Variants in CCSER1 observed in about 807,000 individuals in gnomAD.
CCSER1 encodes coiled-coil serine rich protein 1, also known as serine-rich coiled-coil domain-containing protein 1.
A neutral mutation model predicts 82.0 loss-of-function variants in CCSER1; 41 were observed. The ratio of observed to expected loss-of-function variants is 0.50; its 90% CI spans 0.39 to 0.65. The LOEUF (loss-of-function observed/expected upper bound fraction) is 0.65, where lower values mean the gene tolerates loss of function less well. Among genes scored for constraint, CCSER1 ranks in the 30% least tolerant of loss-of-function variants. The probability of loss-of-function intolerance (pLI) is 0.00; values close to 1 mark genes in which losing one functional copy is unlikely to be tolerated. For synonymous variants in CCSER1, 414 were observed against 383.9 expected (o/e 1.08, Z -0.92); for missense variants, 1,119 against 1,064.2 (o/e 1.05, Z -0.72).
intron 3 of CCSER1, among the ~76,000 whole-genome samples, chr4:90,395,605 C>T (rs1327043247): frequency 6.6e-6 from 1 of 150,650 alleles, no homozygotes; most frequent in Non-Finnish European, 1.5e-5. Context: ...ACCATACTGG[C>T]CATAATGTTG....
chr4:91,379,154 A>T (rs1382036350), intron 10 of CCSER1, among the ~76,000 whole-genome samples: 3 of 152,214 alleles, frequency 2.0e-5, no homozygotes, highest in Non-Finnish European at 4.4e-5. Context: ...TCAGTTTGCC[A>T]CGATTTTATT....
At chr4:90,402,773 TCTTTAAA>T (rs930718722) in intron 4 of CCSER1, among the ~76,000 whole-genome samples, 6 of 152,218 alleles carry the variant, frequency 3.9e-5, no homozygotes, top group African/African-American at 1.4e-4. Flanking sequence ...AAAATCAACC[TCTTTAAA>T]CTTTAGTCTC....
chr4:91,290,569 A>G (rs1195074866), intron 10 of CCSER1, among the ~76,000 whole-genome samples: 1 of 152,044 alleles, frequency 6.6e-6, no homozygotes, highest in Non-Finnish European at 1.5e-5. Context: ...GGCAGGAACC[A>G]ATACTGAACT....
chr4:90,471,333 G>T (rs1449174982), intron 5 of CCSER1, among the ~76,000 whole-genome samples: 1 of 151,882 alleles, frequency 6.6e-6, no homozygotes, highest in Non-Finnish European at 1.5e-5. Flanking sequence ...TACTCACAAG[G>T]CTGAGGGGAA....
chr4:91,444,931 C>T (rs561044487), intron 10 of CCSER1, among the ~76,000 whole-genome samples: 11 of 152,316 alleles, frequency 7.2e-5, no homozygotes, highest in Admixed American at 5.2e-4. Flanking sequence ...ATTCCATTCA[C>T]TTCAGTGTGC....
At chr4:90,479,102 T>C (rs1765520002) in intron 5 of CCSER1, among the ~76,000 whole-genome samples, 1 of 151,532 alleles carries the variant, frequency 6.6e-6, no homozygotes, top group Admixed American at 6.6e-5. Context: ...AAATCATTCT[T>C]TTTTTTTTCA....
chr4:91,217,728 C>T (rs1737367873), intron 10 of CCSER1, among the ~76,000 whole-genome samples: 1 of 151,672 alleles, frequency 6.6e-6, no homozygotes, highest in Non-Finnish European at 1.5e-5. Flanking sequence ...ATTTACAATC[C>T]CTGAGCTAGA....
rs917369952 is a variant in CCSER1 at position 90,546,639 on chromosome 4, T to G, written c.1724+78285T>G. Among the ~76,000 whole-genome samples, 8 of 152,210 alleles carry G rather than the reference T, an allele frequency of 5.3e-5. No individual in the cohort carries two copies. The South Asian group carries it at 1.7e-3, about 32-fold the overall frequency. ...GACAAAATTTAAGTCACATTTTAAC[T>G]CAGAAAATGAGTGACTTTTAATAAA... On this transcript the variant is annotated intron_variant, in intron 5 of 10. Transcript: ENST00000509176.
At chr4:90,177,033 T>C (rs1320679241) in intron 1 of CCSER1, among the ~76,000 whole-genome samples, 2 of 152,166 alleles carry the variant, frequency 1.3e-5, no homozygotes, top group African/African-American at 4.8e-5. Context: ...AGAGCTAAAG[T>C]GACAGACTTT....
chr4:91,187,675 A>G (rs575671993), intron 10 of CCSER1, among the ~76,000 whole-genome samples: 6 of 152,012 alleles, frequency 3.9e-5, no homozygotes, highest in Admixed American at 6.6e-5. Flanking sequence ...CCTCAGCCTC[A>G]TGAGAAGCTG....
chr4:91,195,961 G>A (rs978791773), intron 10 of CCSER1, among the ~76,000 whole-genome samples: 5 of 151,680 alleles, frequency 3.3e-5, no homozygotes, highest in Non-Finnish European at 7.4e-5. Context: ...CTCGTGATCC[G>A]CCCACCTCGG....
At chr4:90,635,041 A>C (rs576653244) in intron 6 of CCSER1, among the ~76,000 whole-genome samples, 1 of 151,942 alleles carries the variant, frequency 6.6e-6, no homozygotes, top group South Asian at 2.1e-4. Flanking sequence ...AAACATGTGG[A>C]TGGCTTGTTT....
chr4:91,514,461 T>C (rs1262347925), intron 10 of CCSER1, among the ~76,000 whole-genome samples: 1 of 152,196 alleles, frequency 6.6e-6, no homozygotes, highest in East Asian at 1.9e-4. Context: ...TATAGATGTC[T>C]GTTAGGTTGA....
At position 91,458,122 on chromosome 4, in the gene CCSER1, G is replaced by A. The variant is rs1471119770; in HGVS notation, c.2218-140450G>A. On this transcript the variant is annotated intron_variant, in intron 10 of 10. Transcript: ENST00000509176. ...GTTCTCCAATTTTTTTCTTTTAGAA[G>A]TTTTATAGTTTTGAGTCTAAGTCTT... 3.3e-5 allele frequency among the ~76,000 whole-genome samples: 5 copies of A among 152,046 alleles called. No individual in the cohort carries two copies. In the East Asian group the frequency reaches 5.8e-4, roughly 18 times the overall value.
At chr4:90,818,401 C>A (rs953626633) in intron 8 of CCSER1, among the ~76,000 whole-genome samples, 2 of 151,722 alleles carry the variant, frequency 1.3e-5, no homozygotes, top group Non-Finnish European at 2.9e-5. Flanking sequence ...CCTCAGCCTC[C>A]CAAGAAGCTG....
chr4:91,179,736 A>C (rs1036538386), intron 10 of CCSER1, among the ~76,000 whole-genome samples: 4 of 152,104 alleles, frequency 2.6e-5, no homozygotes, highest in African/African-American at 9.7e-5. Flanking sequence ...CTTCTTTGCG[A>C]TGGGTTTGAA....
At chr4:91,329,736 G>A (rs1746814046) in intron 10 of CCSER1, among the ~76,000 whole-genome samples, 1 of 152,060 alleles carries the variant, frequency 6.6e-6, no homozygotes, top group Non-Finnish European at 1.5e-5. Context: ...CTACCCTCAT[G>A]ATCTAATTAC....
chr4:91,375,437 A>ATGC (rs1293978379), intron 10 of CCSER1, among the ~76,000 whole-genome samples: 1 of 152,142 alleles, frequency 6.6e-6, no homozygotes, highest in Non-Finnish European at 1.5e-5. Context: ...TGTGGGTAAA[A>ATGC]TGTTATCAAA....
At chr4:91,472,829 C>T (rs954091646) in intron 10 of CCSER1, among the ~76,000 whole-genome samples, 3 of 152,162 alleles carry the variant, frequency 2.0e-5, no homozygotes, top group African/African-American at 7.2e-5. Context: ...TAGATGGATA[C>T]TTTAGCTGCA....
Sources: allele counts gnomAD v4.1 joint callset (sites outside exome capture counted in the v4.1 genomes callset), GRCh38; gene constraint gnomAD v4.1.1; transcripts MANE v1.5; gene names NCBI Gene and HGNC (gene_info 2026-07-23, HGNC 2026-07-21).